Variants in S100A8 observed in about 807,000 individuals in gnomAD.
S100A8 encodes the protein protein S100-A8.
In S100A8, 1 loss-of-function variant was observed where a neutral mutation model predicts 4.2. The ratio of observed to expected loss-of-function variants is 0.24; its 90% confidence interval spans 0.08 to 1.12. The LOEUF (loss-of-function observed/expected upper bound fraction) is 1.12. Ranked by LOEUF, S100A8 falls within the 50% of genes most tolerant of loss-of-function variation. S100A8 has a pLI of 0.53. For missense variants in S100A8, 96 were observed against 111.8 expected (o/e 0.86, Z 0.64); for synonymous variants, 41 against 44.7 (o/e 0.92, Z 0.33).
the S100A8 span, among the ~76,000 whole-genome samples, chr1:153,403,575 AC>A: frequency 1.4e-5 from 2 of 146,744 alleles, no homozygotes; most frequent in South Asian, 4.4e-4. Context: ...CCCCCTCCCC[AC>A]CCCCACTCCA....
At chr1:153,397,735 C>T in the S100A8 span, among the ~76,000 whole-genome samples, 4 of 152,270 alleles carry the variant, frequency 2.6e-5, no homozygotes, top group African/African-American at 4.8e-5. Flanking sequence ...GGCCCACCCC[C>T]ACCACCTGTT....
the S100A8 span, among the ~76,000 whole-genome samples, chr1:153,404,457 G>A: frequency 6.6e-6 from 1 of 151,942 alleles, no homozygotes; most frequent in Non-Finnish European, 1.5e-5. Flanking sequence ...TGACTGGAAG[G>A]GGATTGTTAT....
chr1:153,397,056 G>A, the S100A8 span, among the ~76,000 whole-genome samples: 20,332 of 152,242 alleles, frequency 0.13, 1,472 homozygotes, highest in African/African-American at 0.2. Flanking sequence ...TGCAGTGCCC[G>A]AGAAGCACTA....
chr1:153,409,726 C>A, the S100A8 span, among the ~76,000 whole-genome samples: 2 of 152,112 alleles, frequency 1.3e-5, no homozygotes, highest in African/African-American at 4.8e-5. Flanking sequence ...CACATAGTTG[C>A]AAGTAAAGCA....
At chr1:153,393,910 G>A (rs1291980630), upstream of S100A8, among the ~76,000 whole-genome samples, 1 of 152,156 alleles carries the variant, frequency 6.6e-6, no homozygotes, top group Non-Finnish European at 1.5e-5. Context: ...GTCCTGAGTG[G>A]TGACCTCCTT....
the S100A8 span, among the ~76,000 whole-genome samples, chr1:153,409,679 GTCACATTTATTCCA>G: frequency 2.0e-5 from 3 of 152,052 alleles, no homozygotes; most frequent in South Asian, 6.2e-4. Flanking sequence ...TCAGCACCAC[GTCACATTTATTCCA>G]TCACATTTAT....
the S100A8 span, among the ~76,000 whole-genome samples, chr1:153,398,620 A>G: frequency 5.3e-5 from 8 of 152,308 alleles, no homozygotes; most frequent in Non-Finnish European, 5.9e-5. Context: ...AGATGAGACA[A>G]GATCACCCTG....
At chr1:153,419,214 G>A in the S100A8 span, 1 of 1,614,168 alleles carries the variant, frequency 6.2e-7, no homozygotes, top group Non-Finnish European at 8.5e-7. Flanking sequence ...TAAGAAGATT[G>A]ATTTTTCTGA....
the S100A8 span, among the ~76,000 whole-genome samples, chr1:153,413,516 A>T: frequency 6.6e-6 from 1 of 152,342 alleles, no homozygotes; most frequent in South Asian, 2.1e-4. Context: ...ACTCTGCCAG[A>T]AACTGCCAAG....
At chr1:153,413,853 A>T in the S100A8 span, among the ~76,000 whole-genome samples, 1 of 152,210 alleles carries the variant, frequency 6.6e-6, no homozygotes, top group South Asian at 2.1e-4. Flanking sequence ...GCGAGCCAAG[A>T]TGACACCACT....
chr1:153,411,034 G>T, the S100A8 span, among the ~76,000 whole-genome samples: 1 of 152,142 alleles, frequency 6.6e-6, no homozygotes, highest in African/African-American at 2.4e-5. Flanking sequence ...TACTAAATGG[G>T]CAAAAACTGG....
chr1:153,418,151 T>C, the S100A8 span: 1 of 1,614,016 alleles, frequency 6.2e-7, no homozygotes, highest in Non-Finnish European at 8.5e-7. Flanking sequence ...ACACCGGACG[T>C]GATGGCAAGA....
the S100A8 span, among the ~76,000 whole-genome samples, chr1:153,406,247 G>A: frequency 6.6e-6 from 1 of 152,192 alleles, no homozygotes; most frequent in African/African-American, 2.4e-5. Flanking sequence ...TCTCTGCACT[G>A]GAGGCTGGGG....
chr1:153,418,260 C>A, the S100A8 span: 8 of 1,604,998 alleles, frequency 5.0e-6, no homozygotes, highest in East Asian at 1.8e-4. Context: ...TTGGTTGGAC[C>A]CTGGCATGGC....
the S100A8 span, among the ~76,000 whole-genome samples, chr1:153,398,792 CCA>C: frequency 6.6e-6 from 1 of 152,202 alleles, no homozygotes; most frequent in Non-Finnish European, 1.5e-5. Context: ...ATATTTACCC[CCA>C]GTTTCCTAAG....
chr1:153,403,818 C>A, the S100A8 span, among the ~76,000 whole-genome samples: 1 of 152,162 alleles, frequency 6.6e-6, no homozygotes, highest in Admixed American at 6.5e-5. Flanking sequence ...AACCAATTCT[C>A]CAACACTCTG....
the S100A8 span, among the ~76,000 whole-genome samples, chr1:153,408,226 GA>G: frequency 1.1e-4 from 17 of 151,928 alleles, no homozygotes; most frequent in Non-Finnish European, 2.4e-4. Context: ...TAAAAACTTT[GA>G]AAAAAAGATT....
upstream of S100A8, among the ~76,000 whole-genome samples, chr1:153,394,863 G>T (rs567465713): frequency 1.3e-5 from 2 of 151,924 alleles, no homozygotes; most frequent in Non-Finnish European, 2.9e-5. Context: ...AGTCCTGTGC[G>T]CAGGTGGTAT....
chr1:153,393,261 A>G (rs982079260), upstream of S100A8, among the ~76,000 whole-genome samples: 4 of 152,282 alleles, frequency 2.6e-5, no homozygotes, highest in African/African-American at 9.6e-5. Flanking sequence ...CCATCAAGGC[A>G]GAATTAGTTC....
Sources: allele counts gnomAD v4.1 joint callset (sites outside exome capture counted in the v4.1 genomes callset), GRCh38; gene constraint gnomAD v4.1.1; transcripts MANE v1.5; gene names NCBI Gene and HGNC (gene_info 2026-07-23, HGNC 2026-07-21).